The following KIDINS220 variants were observed in gnomAD, a reference collection of about 807,000 sequenced individuals.
KIDINS220 encodes the protein kinase D-interacting substrate of 220 kDa.
A neutral mutation model predicts 157.6 loss-of-function variants in KIDINS220; 63 were observed. The ratio of observed to expected loss-of-function variants is 0.40; its 90% CI spans 0.33 to 0.49. The LOEUF (loss-of-function observed/expected upper bound fraction) is 0.49, where lower values mean the gene tolerates loss of function less well. Among genes scored for constraint, KIDINS220 ranks in the 20% least tolerant of loss-of-function variants. The probability of loss-of-function intolerance (pLI) is 0.66; values close to 1 mark genes in which losing one functional copy is unlikely to be tolerated. For synonymous variants in KIDINS220, 732 were observed against 783.6 expected, an observed-to-expected ratio of 0.93 and a Z score of 1.10; for missense variants, 1,772 against 2,171.2, an observed-to-expected ratio of 0.82 and a Z score of 3.65.
Position 8,779,148 on chromosome 2 carries a change from G to A in KIDINS220, c.2371-9C>T. ...GAAAACAGAACTCGGACCTGTGGCAGAAGAAATGTACAGTTGTGACATACA... is the reference window on the plus strand; with the variant it reads ...GAAAACAGAACTCGGACCTGTGGCAAAAGAAATGTACAGTTGTGACATACA... On this transcript the variant is annotated splice_polypyrimidine_tract_variant and intron_variant, in intron 18 of 29. Transcript: ENST00000256707. 6.2e-7 allele frequency: 1 copy of A among 1,611,148 alleles called. No homozygotes were observed. Among genetic ancestry groups the A allele is most frequent in the East Asian group, 2.2e-5 (1 of 44,872 alleles).
At chr2:8,726,546 T>C (rs1430949650), downstream of KIDINS220, among the ~76,000 whole-genome samples, 2 of 152,236 alleles carry the variant, frequency 1.3e-5, no homozygotes, top group Non-Finnish European at 2.9e-5. Flanking sequence ...CATGCATCAG[T>C]TGACGACAGG....
chr2:8,831,746 C>A (rs917599015), intron 1 of KIDINS220, among the ~76,000 whole-genome samples: 1 of 152,186 alleles, frequency 6.6e-6, no homozygotes, highest in Non-Finnish European at 1.5e-5. Flanking sequence ...AAAAGCAGCC[C>A]CTGACTGTCG....
chr2:8,788,183 G>A (rs1040393919), intron 15 of KIDINS220, among the ~76,000 whole-genome samples: 2 of 152,082 alleles, frequency 1.3e-5, no homozygotes, highest in Non-Finnish European at 2.9e-5. Flanking sequence ...TGTTTCCCAC[G>A]GTATTTGACC....
In KIDINS220 at chr2:8,733,610, C is replaced by T. The variant is rs1052196278; in HGVS notation, c.3887G>A (p.Ser1296Asn). 5.6e-6 allele frequency: 9 copies of T among 1,613,146 alleles called. No individual in the cohort carries two copies. Among genetic ancestry groups the T allele is most frequent in the Non-Finnish European group, 7.6e-6 (9 of 1,179,404 alleles). Residue 1296 changes from serine to asparagine, a missense_variant, in exon 29 of 30, where the codon AGT (serine) becomes AAT (asparagine). Physicochemically the swap from Ser to Asn is conservative, Grantham distance 46. Around this residue, in one of 3 missense-constraint regions of KIDINS220, gnomAD observed 793 missense variants for 885.5 expected, o/e 0.90. Coordinates refer to ENST00000256707, the MANE Select transcript of KIDINS220 (RefSeq NM_020738.4). ...EDPRFLSESSSGPAPHGEPAR... is the reference protein window; with the variant it reads ...EDPRFLSESSNGPAPHGEPAR... ...AGGCTCACCGTGCGGGGCTGGGCCACTGCTGCTCTCACTGAGGAAACGTGG... is the reference window on the plus strand; with the variant it reads ...AGGCTCACCGTGCGGGGCTGGGCCATTGCTGCTCTCACTGAGGAAACGTGG...
At chr2:8,758,563 C>A (rs1376237187) in intron 22 of KIDINS220, among the ~76,000 whole-genome samples, 1 of 152,086 alleles carries the variant, frequency 6.6e-6, no homozygotes, top group African/African-American at 2.4e-5. Context: ...TTTTATGTCT[C>A]TCCACTCTAA....
At chr2:8,791,438 T>C (rs951034291) in intron 12 of KIDINS220, among the ~76,000 whole-genome samples, 8 of 152,248 alleles carry the variant, frequency 5.3e-5, no homozygotes, top group Admixed American at 5.2e-4. Context: ...TCGTATTTCA[T>C]AAAAAGTTTC....
chr2:8,736,579 C>T (rs551937743), intron 27 of KIDINS220, among the ~76,000 whole-genome samples: 2 of 152,272 alleles, frequency 1.3e-5, no homozygotes, highest in East Asian at 3.9e-4. Context: ...AATGGGAATC[C>T]CTCAGAGCTT....
At chr2:8,802,733 C>T (rs1013277597) in intron 8 of KIDINS220, among the ~76,000 whole-genome samples, 197 bp downstream of exon 8, 2 of 152,058 alleles carry the variant, frequency 1.3e-5, no homozygotes, top group Admixed American at 6.6e-5. Flanking sequence ...TCAATAACAA[C>T]ATTATTTGAC....
chr2:8,756,740 C>T (rs985373457), intron 22 of KIDINS220, among the ~76,000 whole-genome samples: 2 of 152,118 alleles, frequency 1.3e-5, no homozygotes, highest in African/African-American at 2.4e-5. Context: ...TAATCCCATA[C>T]GAGGATTCCA....
At chr2:8,727,260 G>A (rs1663413843), downstream of KIDINS220, 13 of 1,073,118 alleles carry the variant, frequency 1.2e-5, no homozygotes, top group South Asian at 3.5e-4. Flanking sequence ...CCCAGTGTCG[G>A]CGTGCGCCTG....
At chr2:8,831,336 A>G (rs1679594225) in intron 1 of KIDINS220, among the ~76,000 whole-genome samples, 1 of 140,532 alleles carries the variant, frequency 7.1e-6, no homozygotes, top group Non-Finnish European at 1.5e-5. Flanking sequence ...CACCCTCTAC[A>G]TAGTCACATC....
chr2:8,818,834 G>T, intron 2 of KIDINS220, 41 bp from the exon 3 acceptor site: 1 of 1,091,200 alleles, frequency 9.2e-7, no homozygotes, highest in Non-Finnish European at 1.4e-6. Context: ...TCAAGTTACT[G>T]CACTTTTACT....
In KIDINS220 at chr2:8,806,316, C is replaced by A; in HGVS notation, c.558G>T (p.Val186=). ...CAGCTCCCATGGCCAATAAATGTTTCACACATTCCAAATGACCCTTTCGTG... is the reference window on the plus strand; with the variant it reads ...CAGCTCCCATGGCCAATAAATGTTTAACACATTCCAAATGACCCTTTCGTG... ...WAARKGHLEC[V]KHLLAMGADV... The change falls in exon 7 of 30, where the codon GTG becomes GTT. Residue 186 remains valine, a synonymous_variant. Transcript: ENST00000256707. The A allele has an allele frequency of 1.2e-6, 2 of 1,611,248 alleles. No homozygotes were observed. Among genetic ancestry groups the A allele is most frequent in the South Asian group, 1.1e-5 (1 of 90,474 alleles).
At position 8,789,888 on chromosome 2, in the gene KIDINS220, A is replaced by G. The variant is rs2289229; in HGVS notation, c.1613T>C (p.Ile538Thr). The G allele has an allele frequency of 1.3e-6, 2 of 1,599,512 alleles. No individual in the cohort carries two copies. The highest frequency in any genetic ancestry group is 1.7e-6 in the Non-Finnish European group (2 of 1,175,358). The part of the protein sequence containing the change: ...VSLSFLALLY[I>T]FFIVIYFGGR... The stretch of plus-strand genomic sequence containing the variant: ...AAAAAGCAAAGACTTACTAAAGAAT[A>G]TATATAAGAGAGCCAAGAAGCTCAG... The change falls in exon 14 of 30, where the codon ATA (isoleucine) becomes ACA (threonine). Residue 538 changes from isoleucine (I) to threonine (T), a missense_variant. Ile to Thr is a moderately conservative substitution (Grantham distance 89). This residue lies in a region of KIDINS220 where 725 missense variants were observed against 1,017.1 expected (regional missense o/e 0.71). Transcript: ENST00000256707.
At chr2:8,737,058 G>A in intron 26 of KIDINS220, 59 bp from the exon 27 acceptor site, 2 of 1,540,244 alleles carry the variant, frequency 1.3e-6, no homozygotes, top group Non-Finnish European at 1.8e-6. Flanking sequence ...TCTATAATGA[G>A]GTCATGTGAC....
intron 21 of KIDINS220, among the ~76,000 whole-genome samples, chr2:8,771,665 CCTA>C (rs1282503973): frequency 1.3e-5 from 2 of 152,170 alleles, no homozygotes; most frequent in African/African-American, 2.4e-5. Context: ...TATTCCTTTC[CCTA>C]CTACTAACAG....
At chr2:8,784,576 A>C (rs1369600079) in intron 17 of KIDINS220, among the ~76,000 whole-genome samples, 1 of 152,220 alleles carries the variant, frequency 6.6e-6, no homozygotes, top group African/African-American at 2.4e-5. Flanking sequence ...TAAGAAAATG[A>C]ACAACCTGAC....
intron 21 of KIDINS220, among the ~76,000 whole-genome samples, chr2:8,771,921 A>C (rs1423492151): frequency 6.6e-6 from 1 of 152,194 alleles, no homozygotes; most frequent in Admixed American, 6.5e-5. Flanking sequence ...CACCAAATTT[A>C]GAAGCGGCAG....
In KIDINS220 at chr2:8,729,417, C is replaced by T. The variant is rs1663724878; in HGVS notation, c.*1303G>A. ...CGTCCTAACTGTGACTTGGGGTAAACCACCAGAATTCATTCTACATAAATG... is the reference window on the plus strand; with the variant it reads ...CGTCCTAACTGTGACTTGGGGTAAATCACCAGAATTCATTCTACATAAATG... On this transcript the variant is annotated 3_prime_UTR_variant, in exon 30 of 30. Transcript: ENST00000256707. 1 of 985,288 alleles carries T rather than the reference C, an allele frequency of 1.0e-6. No homozygotes were observed. The highest frequency in any genetic ancestry group is 6.1e-5 in the Admixed American group (1 of 16,268). 61.0% of individuals were successfully genotyped at this position (985,288 alleles called of 1,614,324 possible). A position where few individuals can be genotyped will look rare whatever the true frequency, so the allele number is the denominator to read the frequency against.
Sources: gnomAD v4.1 joint callset for allele counts (sites outside exome capture counted in the v4.1 genomes callset) on GRCh38, gnomAD v4.1.1 for gene constraint, gnomAD v4.1.1 regional missense constraint, MANE v1.5 for transcripts, NCBI Gene and HGNC (gene_info 2026-07-23, HGNC 2026-07-21) for gene names.